The following PRKCA variants were observed in gnomAD, a reference collection of about 807,000 sequenced individuals.
The protein encoded by PRKCA is protein kinase C alpha.
In PRKCA, 27 loss-of-function variants were observed where a neutral mutation model predicts 87.0. The observed-to-expected ratio is 0.31, with a 90% CI of 0.23 to 0.43. The LOEUF is 0.43. Ranked by LOEUF, PRKCA falls within the 20% of genes least tolerant of loss-of-function variation. PRKCA has a pLI of 1.00. For missense variants in PRKCA, 518 were observed against 852.3 expected, an observed-to-expected ratio of 0.61 and a Z score of 4.88; for synonymous variants, 329 against 311.1, an observed-to-expected ratio of 1.06 and a Z score of -0.61.
intron 2 of PRKCA, among the ~76,000 whole-genome samples, chr17:66,331,949 C>T (rs1300249586): frequency 1.3e-5 from 2 of 152,070 alleles, no homozygotes; most frequent in Non-Finnish European, 2.9e-5. Flanking sequence ...CGCATTGTCT[C>T]TTTCTTGTTA....
intron 8 of PRKCA, among the ~76,000 whole-genome samples, chr17:66,701,015 A>T (rs1429576883): frequency 6.6e-6 from 1 of 152,146 alleles, no homozygotes; most frequent in Admixed American, 6.5e-5. Context: ...AGCAAGAAGG[A>T]CGGAGGTATC....
chr17:66,619,265 T>G (rs1202031792), intron 3 of PRKCA, among the ~76,000 whole-genome samples: 1 of 152,220 alleles, frequency 6.6e-6, no homozygotes, highest in African/African-American at 2.4e-5. Flanking sequence ...GTCCCTCTCC[T>G]CACTCTCTTT....
intron 3 of PRKCA, among the ~76,000 whole-genome samples, chr17:66,612,728 G>A (rs1567931311): frequency 2.1e-5 from 3 of 142,706 alleles, no homozygotes; most frequent in Non-Finnish European, 4.6e-5. Flanking sequence ...TCTGTTGGAG[G>A]TTTTTTTTTT....
At chr17:66,539,407 C>CT (rs961589508) in intron 3 of PRKCA, among the ~76,000 whole-genome samples, 1,747 of 143,398 alleles carry the variant, frequency 0.012, 23 homozygotes, top group African/African-American at 0.038. Flanking sequence ...GCTTTGAAAT[C>CT]TTTTTTTTTT....
rs1367264638 is a variant in PRKCA at position 66,616,626 on chromosome 17, C to T, written c.289-24729C>T. Among the ~76,000 whole-genome samples, 6 of 152,302 alleles carry T rather than the reference C, an allele frequency of 3.9e-5. No individual in the cohort carries two copies. The South Asian group carries it at 1.2e-3, about 32-fold the overall frequency. Reference sequence around the variant, plus strand: ...GGAGCTGCGTGCACAGGGTTATCTGCCCCCAGCTACCAGAGCCCATTTCCA... The same window carrying T: ...GGAGCTGCGTGCACAGGGTTATCTGTCCCCAGCTACCAGAGCCCATTTCCA... On this transcript the variant is annotated intron_variant, in intron 3 of 16. Coordinates refer to ENST00000413366, the MANE Select transcript of PRKCA (RefSeq NM_002737.3).
chr17:66,613,214 C>T (rs890654113), intron 3 of PRKCA, among the ~76,000 whole-genome samples: 1 of 152,148 alleles, frequency 6.6e-6, no homozygotes, highest in Non-Finnish European at 1.5e-5. Flanking sequence ...AGTTCTCTGC[C>T]AGAATCCTAG....
chr17:66,496,600 AT>A (rs1916486562), intron 3 of PRKCA, among the ~76,000 whole-genome samples: 1 of 152,082 alleles, frequency 6.6e-6, no homozygotes, highest in Admixed American at 6.5e-5. Flanking sequence ...TACAATGAAC[AT>A]TTATCACCCT....
intron 3 of PRKCA, among the ~76,000 whole-genome samples, chr17:66,536,008 G>C (rs1017364470): frequency 6.6e-6 from 1 of 152,100 alleles, no homozygotes; most frequent in African/African-American, 2.4e-5. Flanking sequence ...GCCTGACTTT[G>C]GATAGCTATT....
intron 2 of PRKCA, among the ~76,000 whole-genome samples, chr17:66,376,189 C>T (rs1163159298): frequency 6.6e-6 from 1 of 152,164 alleles, no homozygotes; most frequent in Non-Finnish European, 1.5e-5. Flanking sequence ...CAGTGTTTAA[C>T]CACCCTCCCC....
At chr17:66,340,769 T>A (rs1906996600) in intron 2 of PRKCA, among the ~76,000 whole-genome samples, 1 of 152,202 alleles carries the variant, frequency 6.6e-6, no homozygotes, top group African/African-American at 2.4e-5. Context: ...TTCATATTCA[T>A]CTTTAATACA....
At chr17:66,531,395 A>G (rs964802504) in intron 3 of PRKCA, among the ~76,000 whole-genome samples, 9 of 152,122 alleles carry the variant, frequency 5.9e-5, no homozygotes, top group African/African-American at 2.2e-4. Flanking sequence ...GGTCCATTAA[A>G]TCCACATCTC....
chr17:66,303,656 G>C (rs1357630965), intron 1 of PRKCA, among the ~76,000 whole-genome samples: 1 of 152,134 alleles, frequency 6.6e-6, no homozygotes, highest in Non-Finnish European at 1.5e-5. Context: ...TTGCAGTGGG[G>C]GAGGGGGAGT....
At chr17:66,567,146 A>G (rs1251085762) in intron 3 of PRKCA, among the ~76,000 whole-genome samples, 1 of 152,210 alleles carries the variant, frequency 6.6e-6, no homozygotes, top group Non-Finnish European at 1.5e-5. Flanking sequence ...GGTTTTATAC[A>G]TGATATGGGG....
At chr17:66,365,163 T>C (rs1195112750) in intron 2 of PRKCA, among the ~76,000 whole-genome samples, 1 of 152,216 alleles carries the variant, frequency 6.6e-6, no homozygotes, top group Non-Finnish European at 1.5e-5. Context: ...TGGAGTTTTC[T>C]TGTGGCTTTT....
intron 2 of PRKCA, among the ~76,000 whole-genome samples, chr17:66,471,561 T>C (rs1176360805): frequency 1.3e-5 from 2 of 151,950 alleles, no homozygotes; most frequent in Non-Finnish European, 2.9e-5. Flanking sequence ...CAGCCCTCCA[T>C]GATTTTAGGG....
intron 3 of PRKCA, among the ~76,000 whole-genome samples, chr17:66,575,883 A>G (rs2143425849): frequency 6.6e-6 from 1 of 152,316 alleles, no homozygotes; most frequent in East Asian, 1.9e-4. Context: ...TGGGAGGCCA[A>G]GGTGGGTGGA....
chr17:66,547,421 A>G (rs1968178475), intron 3 of PRKCA, among the ~76,000 whole-genome samples: 1 of 152,036 alleles, frequency 6.6e-6, no homozygotes, highest in Non-Finnish European at 1.5e-5. Flanking sequence ...GAACCTTGTG[A>G]GAGTCATCTC....
At position 66,641,369 on chromosome 17, in the gene PRKCA, G is replaced by A; in HGVS notation, c.303G>A (p.Lys101=). The change falls in exon 4 of 17, where the codon AAG becomes AAA. Residue 101 remains lysine (K), a synonymous_variant. Transcript: ENST00000413366. ...KGPDTDDPRS[K]HKFKIHTYGS... Reference sequence around the variant, plus strand: ...TCTCCTCCCAGGACCCCAGGAGCAAGCACAAGTTCAAAATCCACACTTACG... The same window carrying A: ...TCTCCTCCCAGGACCCCAGGAGCAAACACAAGTTCAAAATCCACACTTACG... 1.2e-6 allele frequency: 2 copies of A among 1,612,576 alleles called. No homozygotes were observed. Among genetic ancestry groups the A allele is most frequent in the South Asian group, 1.1e-5 (1 of 90,688 alleles).
intron 2 of PRKCA, among the ~76,000 whole-genome samples, chr17:66,461,959 A>AGGAGACTGGGGT (rs1914874817): frequency 6.6e-6 from 1 of 151,970 alleles, no homozygotes; most frequent in African/African-American, 2.4e-5. Flanking sequence ...ACTACCGAGC[A>AGGAGACTGGGGT]TGCTTCTATG....
Sources: allele counts gnomAD v4.1 joint callset (sites outside exome capture counted in the v4.1 genomes callset), GRCh38; gene constraint gnomAD v4.1.1; transcripts MANE v1.5; gene names NCBI Gene and HGNC (gene_info 2026-07-23, HGNC 2026-07-21).